The following SLC4A7 variants were observed in gnomAD, a reference collection of about 807,000 sequenced individuals.
SLC4A7 encodes the protein sodium bicarbonate cotransporter 3.
Under a neutral mutation model 137.6 loss-of-function variants are expected in SLC4A7, and 51 were observed. That is an observed-to-expected ratio of 0.37 (90% CI 0.30 to 0.47). The LOEUF (loss-of-function observed/expected upper bound fraction) is 0.47. Among genes scored for constraint, SLC4A7 ranks in the 20% least tolerant of loss-of-function variants. SLC4A7 has a pLI of 1.00. For missense variants in SLC4A7, 1,247 were observed against 1,525.4 expected, an observed-to-expected ratio of 0.82 and a Z score of 3.04; for synonymous variants, 542 against 518.6, an observed-to-expected ratio of 1.05 and a Z score of -0.61.
intron 1 of SLC4A7, among the ~76,000 whole-genome samples, chr3:27,474,085 T>A (rs2059367916): frequency 6.6e-6 from 1 of 152,178 alleles, no homozygotes; most frequent in South Asian, 2.1e-4. Context: ...CTCTCTGACT[T>A]TCTATACTCT....
chr3:27,427,721 G>C (rs1182039286), intron 7 of SLC4A7, among the ~76,000 whole-genome samples: 2 of 152,090 alleles, frequency 1.3e-5, no homozygotes, highest in Non-Finnish European at 2.9e-5. Flanking sequence ...AGAGAATCAT[G>C]TATAGCTGTC....
chr3:27,477,410 T>C (rs1240113989), intron 1 of SLC4A7, among the ~76,000 whole-genome samples: 1 of 152,328 alleles, frequency 6.6e-6, no homozygotes, highest in East Asian at 1.9e-4. Flanking sequence ...AGAGATTTTC[T>C]AAAAATTTTC....
At chr3:27,483,645 G>A (rs2059813203) in intron 1 of SLC4A7, among the ~76,000 whole-genome samples, 1 of 152,248 alleles carries the variant, frequency 6.6e-6, no homozygotes. Context: ...GGAGAAGAAA[G>A]ATAGGTTTTC....
chr3:27,477,838 C>A (rs2059528740), intron 1 of SLC4A7, among the ~76,000 whole-genome samples: 3 of 152,174 alleles, frequency 2.0e-5, no homozygotes, highest in African/African-American at 7.2e-5. Context: ...TGGTCTCGAA[C>A]TCCTGAGCTC....
intron 1 of SLC4A7, among the ~76,000 whole-genome samples, chr3:27,472,344 T>C (rs1230373972): frequency 1.3e-5 from 2 of 152,114 alleles, no homozygotes; most frequent in South Asian, 2.1e-4. Context: ...TCCCAGTGCT[T>C]TGGGAGGACA....
chr3:27,438,730 C>A (rs1297181929), intron 3 of SLC4A7, among the ~76,000 whole-genome samples: 1 of 151,046 alleles, frequency 6.6e-6, no homozygotes, highest in African/African-American at 2.4e-5. Context: ...AAACAAAATA[C>A]AATGTAAGCT....
At chr3:27,381,238 A>G in intron 24 of SLC4A7, among the ~76,000 whole-genome samples, 1 of 152,210 alleles carries the variant, frequency 6.6e-6, no homozygotes, top group Non-Finnish European at 1.5e-5. Context: ...TTATCAGACT[A>G]TAGACTCCAC....
chr3:27,387,680 G>A (rs1438340642), intron 22 of SLC4A7, among the ~76,000 whole-genome samples: 1 of 152,170 alleles, frequency 6.6e-6, no homozygotes, highest in Non-Finnish European at 1.5e-5. Flanking sequence ...AGACAGTTAA[G>A]TCCTAACCTC....
intron 1 of SLC4A7, among the ~76,000 whole-genome samples, chr3:27,460,251 C>T (rs919488211): frequency 1.3e-5 from 2 of 151,980 alleles, no homozygotes; most frequent in Non-Finnish European, 2.9e-5. Context: ...CTAGGCTGGT[C>T]CCAAACTTCT....
intron 3 of SLC4A7, among the ~76,000 whole-genome samples, chr3:27,441,931 T>C (rs1461217342): frequency 6.6e-6 from 1 of 151,946 alleles, no homozygotes; most frequent in Non-Finnish European, 1.5e-5. Context: ...AGTCTCACTC[T>C]GTCACCCAGG....
intron 1 of SLC4A7, among the ~76,000 whole-genome samples, chr3:27,483,597 G>T (rs2059810389): frequency 6.6e-6 from 1 of 152,240 alleles, no homozygotes; most frequent in Non-Finnish European, 1.5e-5. Context: ...ACCACTGCCT[G>T]GGGCTAGAGA....
intron 18 of SLC4A7, among the ~76,000 whole-genome samples, chr3:27,396,510 T>C (rs1366545352): frequency 1.3e-5 from 2 of 152,108 alleles, no homozygotes; most frequent in African/African-American, 4.8e-5. Flanking sequence ...GTTTAATATT[T>C]TCATATTTTT....
At chr3:27,414,310 C>A (rs2054180298) in intron 11 of SLC4A7, among the ~76,000 whole-genome samples, 1 of 151,950 alleles carries the variant, frequency 6.6e-6, no homozygotes, top group Non-Finnish European at 1.5e-5. Context: ...ACAGTTGACT[C>A]TTGAATAAAC....
At chr3:27,382,451 T>C (rs1345007322) in intron 24 of SLC4A7, among the ~76,000 whole-genome samples, 1 of 151,598 alleles carries the variant, frequency 6.6e-6, no homozygotes, top group East Asian at 2.0e-4. Flanking sequence ...AGAAATGGAA[T>C]AGATGTGTAG....
chr3:27,430,301 GCA>G (rs35445003), intron 7 of SLC4A7, among the ~76,000 whole-genome samples: 52 of 148,688 alleles, frequency 3.5e-4, no homozygotes, highest in African/African-American at 3.0e-4. Context: ...TGAACTGCAT[GCA>G]CACACACACA....
intron 1 of SLC4A7, among the ~76,000 whole-genome samples, chr3:27,454,051 C>T (rs1009366676): frequency 6.6e-6 from 1 of 152,148 alleles, no homozygotes; most frequent in East Asian, 1.9e-4. Flanking sequence ...TGGTTCACAC[C>T]TGAAATCCCA....
intron 6 of SLC4A7, chr3:27,433,126 G>A (rs536396355): frequency 1.3e-5 from 2 of 152,070 alleles, no homozygotes; most frequent in Non-Finnish European, 2.9e-5. Context: ...TATTATTTCA[G>A]GGGTAAAAAA....
At chr3:27,410,946 CCT>C (rs1320185293) in intron 12 of SLC4A7, among the ~76,000 whole-genome samples, 2 of 151,258 alleles carry the variant, frequency 1.3e-5, no homozygotes, top group Non-Finnish European at 2.9e-5. Context: ...TATAAGATTC[CCT>C]GTTTTTTTTA....
chr3:27,414,682 T>C (rs559461558), intron 11 of SLC4A7, among the ~76,000 whole-genome samples: 1 of 152,280 alleles, frequency 6.6e-6, no homozygotes, highest in Admixed American at 6.5e-5. Context: ...TGATATCAAT[T>C]TGTTTTCTGG....
Sources: allele counts gnomAD v4.1 joint callset (sites outside exome capture counted in the v4.1 genomes callset), GRCh38; gene constraint gnomAD v4.1.1; transcripts MANE v1.5; gene names NCBI Gene and HGNC (gene_info 2026-07-23, HGNC 2026-07-21).